The following DLC1 variants were observed in gnomAD, a reference collection of about 807,000 sequenced individuals.
DLC1 encodes rho GTPase-activating protein 7.
A neutral mutation model predicts 140.3 loss-of-function variants in DLC1; 54 were observed. The ratio of observed to expected loss-of-function variants is 0.38; its 90% CI spans 0.31 to 0.48. The LOEUF is 0.48. DLC1 is among the 20% of genes least tolerant of loss of function. The pLI, the probability that DLC1 is intolerant of heterozygous loss-of-function variation, is 0.96. For synonymous variants in DLC1, 986 were observed against 728.1 expected, an observed-to-expected ratio of 1.35 and a Z score of -5.70; for missense variants, 2,536 against 1,907.0, an observed-to-expected ratio of 1.33 and a Z score of -6.14.
At chr8:13,426,834 A>G (rs1389244149) in intron 2 of DLC1, among the ~76,000 whole-genome samples, 1 of 151,978 alleles carries the variant, frequency 6.6e-6, no homozygotes, top group Non-Finnish European at 1.5e-5. Flanking sequence ...CTCTCATCCT[A>G]GGAGATCCTC....
intron 5 of DLC1, among the ~76,000 whole-genome samples, chr8:13,221,169 A>G (rs1377126943): frequency 6.6e-6 from 1 of 152,122 alleles, no homozygotes; most frequent in East Asian, 1.9e-4. Context: ...CCTACAAACA[A>G]AACAAATGCT....
At chr8:13,190,391 G>A (rs1292041836) in intron 5 of DLC1, among the ~76,000 whole-genome samples, 4 of 152,110 alleles carry the variant, frequency 2.6e-5, no homozygotes, top group Non-Finnish European at 5.9e-5. Flanking sequence ...CATGGCTGGT[G>A]AGGTTTTCCT....
At chr8:13,524,859 T>C (rs73210030) in intron 1 of DLC1, among the ~76,000 whole-genome samples, 3,908 of 152,346 alleles carry the variant, frequency 0.026, 65 homozygotes, top group Non-Finnish European at 0.037. Flanking sequence ...CAATAAACTC[T>C]ACATATTTAA....
chr8:13,358,818 A>G (rs1057409028), intron 4 of DLC1, among the ~76,000 whole-genome samples: 1 of 152,216 alleles, frequency 6.6e-6, no homozygotes, highest in Non-Finnish European at 1.5e-5. Flanking sequence ...GTATATACTC[A>G]GTGACAAAGT....
chr8:13,447,990 C>T (rs558711687), intron 2 of DLC1, among the ~76,000 whole-genome samples: 1 of 152,244 alleles, frequency 6.6e-6, no homozygotes, highest in East Asian at 1.9e-4. Context: ...GTCCACAGTA[C>T]AACAAAATCT....
At chr8:13,496,988 G>T (rs1036155432) in intron 2 of DLC1, among the ~76,000 whole-genome samples, 19 of 151,556 alleles carry the variant, frequency 1.3e-4, no homozygotes, top group Non-Finnish European at 2.2e-4. Context: ...TTTTAGTAGA[G>T]ACAGGGTTTC....
intron 5 of DLC1, among the ~76,000 whole-genome samples, chr8:13,189,043 A>G (rs919738984): frequency 3.3e-5 from 5 of 151,520 alleles, no homozygotes; most frequent in African/African-American, 9.7e-5. Context: ...CCTTTTCTCA[A>G]ACAATCAAAA....
At chr8:13,250,631 A>G (rs556463875) in intron 5 of DLC1, among the ~76,000 whole-genome samples, 1 of 152,204 alleles carries the variant, frequency 6.6e-6, no homozygotes, top group Non-Finnish European at 1.5e-5. Context: ...AGTTGAATAA[A>G]TTTAATACTA....
In DLC1 at chr8:13,100,570, C is replaced by T. The variant is rs765024540; in HGVS notation, c.1767G>A (p.Gln589=). ...TGAGGCTGCGGACGGAAGACACCTC[C>T]TGGCGCTCGCTGAGGTCCATCAGCG... The part of the protein sequence containing the change: ...GGTLMDLSER[Q]EVSSVRSLSS... Residue 589 remains glutamine, a synonymous_variant, in exon 9 of 18, where the codon CAG becomes CAA. Coordinates refer to ENST00000276297, the MANE Select transcript of DLC1 (RefSeq NM_182643.3). 7 of 1,613,602 alleles carry T rather than the reference C, an allele frequency of 4.3e-6. No individual in the cohort carries two copies. Among genetic ancestry groups the T allele is most frequent in the Non-Finnish European group, 5.1e-6 (6 of 1,179,860 alleles).
At position 13,414,374 on chromosome 8, in the gene DLC1, C is replaced by A. The variant is rs57868007; in HGVS notation, c.1024-12755G>T. On this transcript the variant is annotated intron_variant, in intron 2 of 17. Transcript: ENST00000276297. ...CTTTGCCAGTACAACTAATGCACAG[C>A]TAATTTTGTTGAGAACTTGGTGATG... is the stretch of plus-strand genomic sequence containing the variant. Among the ~76,000 whole-genome samples the A allele has an allele frequency of 3.6e-3, 545 of 152,294 alleles. 3 individuals are homozygous for A. Among genetic ancestry groups the A allele is most frequent in the African/African-American group, 0.013 (534 of 41,562 alleles).
At chr8:13,539,300 C>G (rs113880821) in intron 1 of DLC1, among the ~76,000 whole-genome samples, 6 of 152,042 alleles carry the variant, frequency 3.9e-5, no homozygotes, top group African/African-American at 1.4e-4. Flanking sequence ...CCTGAGTTCA[C>G]ACCATTCTCC....
intron 1 of DLC1, among the ~76,000 whole-genome samples, chr8:13,509,875 G>A (rs115094326): frequency 0.023 from 3,429 of 152,160 alleles, 134 homozygotes; most frequent in African/African-American, 0.073. Flanking sequence ...GTTCTGTAAT[G>A]GGAATAATGA....
chr8:13,153,307 T>A (rs1483697499), intron 5 of DLC1, among the ~76,000 whole-genome samples: 1 of 152,194 alleles, frequency 6.6e-6, no homozygotes, highest in African/African-American at 2.4e-5. Flanking sequence ...CTGGAGTTGT[T>A]CTCTCCTCCC....
chr8:13,435,314 T>C (rs1191734917), intron 2 of DLC1, among the ~76,000 whole-genome samples: 1 of 151,588 alleles, frequency 6.6e-6, no homozygotes, highest in East Asian at 2.0e-4. Flanking sequence ...GAGGAGTTGT[T>C]TTTTCTTTTC....
intron 4 of DLC1, among the ~76,000 whole-genome samples, chr8:13,391,170 T>C (rs1836744328): frequency 6.8e-6 from 1 of 147,330 alleles, no homozygotes; most frequent in Non-Finnish European, 1.5e-5. Flanking sequence ...TGGACAGAGC[T>C]GCATGTGTAT....
chr8:13,328,226 T>C (rs1271073043), intron 4 of DLC1, among the ~76,000 whole-genome samples: 5 of 152,280 alleles, frequency 3.3e-5, no homozygotes. Context: ...GAGGAGGATA[T>C]ATCTGGAAGA....
intron 4 of DLC1, among the ~76,000 whole-genome samples, chr8:13,392,764 A>T (rs1836820425): frequency 6.6e-6 from 1 of 152,064 alleles, no homozygotes; most frequent in Non-Finnish European, 1.5e-5. Flanking sequence ...TTTATTCACA[A>T]TCTACACATG....
chr8:13,180,153 A>G (rs922308011), intron 5 of DLC1, among the ~76,000 whole-genome samples: 8 of 152,318 alleles, frequency 5.3e-5, no homozygotes, highest in African/African-American at 1.9e-4. Context: ...CAAGGTTCCC[A>G]TCAAAGGAAG....
intron 4 of DLC1, among the ~76,000 whole-genome samples, chr8:13,334,691 A>C (rs1448697238): frequency 2.0e-5 from 3 of 152,148 alleles, no homozygotes; most frequent in Admixed American, 1.3e-4. Context: ...AAGAATCAAA[A>C]ATTCCTTCTG....
Sources: allele counts gnomAD v4.1 joint callset (sites outside exome capture counted in the v4.1 genomes callset), GRCh38; gene constraint gnomAD v4.1.1; transcripts MANE v1.5; gene names NCBI Gene and HGNC (gene_info 2026-07-23, HGNC 2026-07-21).